Variants in RAB3C observed in about 807,000 individuals in gnomAD.
RAB3C encodes the protein RAB3C, member RAS oncogene family, also known as ras-related protein Rab-3C.
In RAB3C, 17 loss-of-function variants were observed where a neutral mutation model predicts 26.4. The observed-to-expected ratio is 0.64, with a 90% CI of 0.44 to 0.97. RAB3C has a LOEUF of 0.97. RAB3C is among the 50% of genes least tolerant of loss of function. RAB3C has a pLI of 0.00. For missense variants in RAB3C, 242 were observed against 281.9 expected, an observed-to-expected ratio of 0.86 and a Z score of 1.01; for synonymous variants, 91 against 95.9, an observed-to-expected ratio of 0.95 and a Z score of 0.30.
chr5:58,759,933 T>C (rs529831014), intron 3 of RAB3C, among the ~76,000 whole-genome samples: 20 of 152,326 alleles, frequency 1.3e-4, no homozygotes, highest in Non-Finnish European at 2.6e-4. Context: ...AGTGTTGTTC[T>C]TCGTTACTAA....
intron 4 of RAB3C, among the ~76,000 whole-genome samples, chr5:58,825,868 A>G (rs1743465110): frequency 6.6e-6 from 1 of 152,206 alleles, no homozygotes; most frequent in Non-Finnish European, 1.5e-5. Flanking sequence ...AGAAATTTTT[A>G]CTGGGTACTC....
intron 2 of RAB3C, among the ~76,000 whole-genome samples, chr5:58,655,596 A>C (rs994390517): frequency 5.9e-5 from 9 of 152,148 alleles, no homozygotes; most frequent in African/African-American, 1.9e-4. Flanking sequence ...TAATTAACAA[A>C]ATTTTTTTTA....
At chr5:58,669,447 G>C (rs1748068637) in intron 2 of RAB3C, among the ~76,000 whole-genome samples, 1 of 152,102 alleles carries the variant, frequency 6.6e-6, no homozygotes, top group Non-Finnish European at 1.5e-5. Context: ...GATGGGCTAA[G>C]CTTACATCCA....
At chr5:58,616,080 C>T (rs1746820340) in intron 1 of RAB3C, among the ~76,000 whole-genome samples, 1 of 151,882 alleles carries the variant, frequency 6.6e-6, no homozygotes, top group South Asian at 2.1e-4. Context: ...TAACATTTTT[C>T]CATCTCTTGG....
chr5:58,711,186 G>A (rs58932912), intron 2 of RAB3C, among the ~76,000 whole-genome samples: 8,881 of 152,238 alleles, frequency 0.058, 867 homozygotes, highest in African/African-American at 0.2. Flanking sequence ...TGATCCTGAA[G>A]GACAAATATC....
chr5:58,627,767 C>T (rs2111741749), intron 2 of RAB3C, among the ~76,000 whole-genome samples: 1 of 152,310 alleles, frequency 6.6e-6, no homozygotes, highest in Non-Finnish European at 1.5e-5. Flanking sequence ...ATACAAATCA[C>T]TTTGCTGAAG....
At chr5:58,806,013 TG>T (rs1456522430) in intron 3 of RAB3C, among the ~76,000 whole-genome samples, 1 of 152,200 alleles carries the variant, frequency 6.6e-6, no homozygotes, top group African/African-American at 2.4e-5. Flanking sequence ...ACAGATTCTT[TG>T]TAGCCAAGAG....
chr5:58,668,987 C>T (rs1039254325), intron 2 of RAB3C, among the ~76,000 whole-genome samples: 1 of 152,130 alleles, frequency 6.6e-6, no homozygotes, highest in Admixed American at 6.6e-5. Flanking sequence ...AGATGGCCAT[C>T]TTCTTGCTGC....
At chr5:58,849,513 A>T (rs188412020) in intron 4 of RAB3C, among the ~76,000 whole-genome samples, 1 of 152,330 alleles carries the variant, frequency 6.6e-6, no homozygotes, top group East Asian at 1.9e-4. Context: ...GAGCTCTGTT[A>T]ACACCAGATG....
intron 1 of RAB3C, among the ~76,000 whole-genome samples, chr5:58,594,309 A>G (rs571006031): frequency 8.3e-4 from 126 of 152,326 alleles, no homozygotes; most frequent in African/African-American, 3.0e-3. Flanking sequence ...CTCTAATAGA[A>G]GATAGTTTTT....
chr5:58,585,335 T>C (rs1439300714), intron 1 of RAB3C, among the ~76,000 whole-genome samples: 1 of 152,046 alleles, frequency 6.6e-6, no homozygotes, highest in Admixed American at 6.6e-5. Flanking sequence ...TATTTCTGAA[T>C]TGTAATCACA....
At chr5:58,770,972 T>G (rs1317854659) in intron 3 of RAB3C, among the ~76,000 whole-genome samples, 1 of 152,142 alleles carries the variant, frequency 6.6e-6, no homozygotes, top group African/African-American at 2.4e-5. Context: ...TTAAAAATAT[T>G]TAAAGAATAC....
chr5:58,835,933 C>G (rs1743737067), intron 4 of RAB3C, among the ~76,000 whole-genome samples: 1 of 152,216 alleles, frequency 6.6e-6, no homozygotes, highest in African/African-American at 2.4e-5. Context: ...GAAACCATCT[C>G]TGTTCATCAG....
chr5:58,677,363 A>G (rs1192815740), intron 2 of RAB3C, among the ~76,000 whole-genome samples: 1 of 152,174 alleles, frequency 6.6e-6, no homozygotes, highest in Admixed American at 6.5e-5. Flanking sequence ...TCTACTAAAC[A>G]CACTGTCCTG....
In RAB3C at chr5:58,721,872, A is replaced by G. The variant is rs543412547; in HGVS notation, c.253-4130A>G. On this transcript the variant is annotated intron_variant, in intron 2 of 4. Coordinates refer to ENST00000282878, the MANE Select transcript of RAB3C (RefSeq NM_138453.4). ...CAATTAGATTGTATTTCTGGGTTCA[A>G]ATCAGAATGATGTTGAAGATCCTGC... 6.6e-5 allele frequency among the ~76,000 whole-genome samples: 10 copies of G among 151,936 alleles called. No homozygotes were observed. In the South Asian group the frequency reaches 2.1e-3, roughly 31 times the overall value.
rs758939322 is a variant in RAB3C at position 58,834,113 on chromosome 5, C to CA, written c.496+8952dup. Among the ~76,000 whole-genome samples, 27 of 152,164 alleles carry CA rather than the reference C, an allele frequency of 1.8e-4. 1 individual carries two copies. The highest frequency in any genetic ancestry group is 5.8e-4 in the East Asian group (3 of 5,190). ...GTTAACCTTCTTTTTAGCAAAAGAC[C>CA]ATGGCTGATTTAATGGTTTGGTGGT... On this transcript the variant is annotated intron_variant, in intron 4 of 4. Transcript: ENST00000282878.
At chr5:58,699,228 G>T (rs1045426917) in intron 2 of RAB3C, among the ~76,000 whole-genome samples, 1 of 152,202 alleles carries the variant, frequency 6.6e-6, no homozygotes, top group Non-Finnish European at 1.5e-5. Context: ...TTCCACTCCA[G>T]ACCCTGTTTG....
intron 4 of RAB3C, among the ~76,000 whole-genome samples, chr5:58,845,612 A>ATATATATATATGTG: frequency 7.3e-5 from 6 of 81,726 alleles, no homozygotes; most frequent in African/African-American, 2.9e-4. Flanking sequence ...ATATATATAT[A>ATATATATATATGTG]TGTGTGTGTG....
chr5:58,667,155 C>T (rs1579847144), intron 2 of RAB3C, among the ~76,000 whole-genome samples: 1 of 152,278 alleles, frequency 6.6e-6, no homozygotes, highest in East Asian at 1.9e-4. Context: ...TGGTTTTACG[C>T]ACTGATGACA....
Sources: gnomAD v4.1 joint callset for allele counts (sites outside exome capture counted in the v4.1 genomes callset) on GRCh38, gnomAD v4.1.1 for gene constraint, MANE v1.5 for transcripts, NCBI Gene and HGNC (gene_info 2026-07-23, HGNC 2026-07-21) for gene names.